The following WDR7 variants were observed in gnomAD, a reference collection of about 807,000 sequenced individuals.
WDR7 encodes the protein WD repeat-containing protein 7.
A neutral mutation model predicts 169.4 loss-of-function variants in WDR7; 46 were observed. The observed-to-expected ratio is 0.27, with a 90% CI of 0.21 to 0.35. The LOEUF is 0.35. WDR7 is among the 10% of genes least tolerant of loss of function. The pLI, the probability that WDR7 is intolerant of heterozygous loss-of-function variation, is 1.00. For synonymous variants in WDR7, 612 were observed against 666.8 expected (o/e 0.92, Z 1.27); for missense variants, 1,534 against 1,859.3 (o/e 0.83, Z 3.22).
intron 26 of WDR7, among the ~76,000 whole-genome samples, chr18:56,978,302 T>C (rs1031034949): frequency 1.3e-5 from 2 of 152,184 alleles, no homozygotes; most frequent in Non-Finnish European, 2.9e-5. Context: ...GATAAGACAA[T>C]TTTTTAAAAA....
In WDR7 at chr18:56,811,953, G is replaced by A. The variant is rs545577219; in HGVS notation, c.3191-4078G>A. 2.6e-5 allele frequency among the ~76,000 whole-genome samples: 4 copies of A among 152,086 alleles called. No individual in the cohort carries two copies. In the South Asian group the frequency reaches 8.3e-4, roughly 32 times the overall value. ...AGAATTGTTTTGTCCTAATTCCTTTGTCTTTCATATAATTTTAGAATACTT... is the reference window on the plus strand; with the variant it reads ...AGAATTGTTTTGTCCTAATTCCTTTATCTTTCATATAATTTTAGAATACTT... On this transcript the variant is annotated intron_variant, in intron 19 of 27. Transcript: ENST00000254442.
At chr18:56,784,767 C>A (rs982233872) in intron 19 of WDR7, among the ~76,000 whole-genome samples, 6 of 152,062 alleles carry the variant, frequency 3.9e-5, no homozygotes, top group Non-Finnish European at 8.8e-5. Flanking sequence ...CATATTTAAA[C>A]CTTTCTGTTT....
chr18:56,879,796 C>A, intron 20 of WDR7, 148 bp from the exon 21 acceptor site: 3 of 529,000 alleles, frequency 5.7e-6, no homozygotes, highest in East Asian at 3.6e-5. Flanking sequence ...CTAAATTCAT[C>A]CTTTTGCCTG....
chr18:56,728,634 C>T (rs955299604), intron 13 of WDR7, among the ~76,000 whole-genome samples: 1 of 152,278 alleles, frequency 6.6e-6, no homozygotes, highest in South Asian at 2.1e-4. Flanking sequence ...GGCCCCATCC[C>T]ATCCCCACTC....
intron 26 of WDR7, among the ~76,000 whole-genome samples, chr18:56,983,189 A>T (rs1326051041): frequency 1.3e-5 from 2 of 152,194 alleles, no homozygotes; most frequent in African/African-American, 4.8e-5. Context: ...CGGACTTGTC[A>T]TTGTTAGCAG....
intron 20 of WDR7, among the ~76,000 whole-genome samples, chr18:56,817,936 A>C (rs1599070369): frequency 6.6e-6 from 1 of 151,846 alleles, no homozygotes; most frequent in Non-Finnish European, 1.5e-5. Context: ...GTAGAAACAG[A>C]GTTTCACCAT....
intron 19 of WDR7, among the ~76,000 whole-genome samples, chr18:56,786,752 A>G (rs1301979336): frequency 6.6e-6 from 1 of 152,024 alleles, no homozygotes; most frequent in African/African-American, 2.4e-5. Flanking sequence ...ATGGACTTAA[A>G]TAATATGGCA....
chr18:56,977,911 A>G (rs2047590266), intron 26 of WDR7, among the ~76,000 whole-genome samples: 2 of 152,208 alleles, frequency 1.3e-5, no homozygotes, highest in Admixed American at 1.3e-4. Context: ...GCTGTAATTT[A>G]TGTAAATGCG....
At chr18:56,751,665 T>C (rs2043795371) in intron 14 of WDR7, among the ~76,000 whole-genome samples, 1 of 152,208 alleles carries the variant, frequency 6.6e-6, no homozygotes, top group African/African-American at 2.4e-5. Flanking sequence ...AACAGCTTTG[T>C]ATGTGGTAGC....
chr18:57,031,482 C>T (rs1026782018), downstream of WDR7: 1 of 152,172 alleles, frequency 6.6e-6, no homozygotes, highest in Non-Finnish European at 1.5e-5. Flanking sequence ...CAGTGGTGCC[C>T]ATACCTGCCA....
At chr18:56,814,489 T>C (rs2044929657) in intron 19 of WDR7, among the ~76,000 whole-genome samples, 1 of 152,200 alleles carries the variant, frequency 6.6e-6, no homozygotes, top group South Asian at 2.1e-4. Flanking sequence ...TACTGATAGC[T>C]ATCTTTAATA....
At chr18:56,923,613 C>T (rs2046759422) in intron 21 of WDR7, among the ~76,000 whole-genome samples, 1 of 152,148 alleles carries the variant, frequency 6.6e-6, no homozygotes, top group South Asian at 2.1e-4. Flanking sequence ...TTGCAGAACC[C>T]TGAGTTAGGG....
chr18:56,813,180 TAAA>T (rs373136606), intron 19 of WDR7, among the ~76,000 whole-genome samples: 13 of 133,390 alleles, frequency 9.7e-5, no homozygotes, highest in Non-Finnish European at 8.3e-5. Context: ...TAGAGTATAA[TAAA>T]AAAAAAAAAC....
intron 15 of WDR7, 93 bp downstream of exon 15, chr18:56,757,445 A>C (rs1462562058): frequency 2.3e-6 from 3 of 1,279,168 alleles, no homozygotes; most frequent in African/African-American, 1.5e-5. Context: ...TTGGCTCTAC[A>C]CAATTTTATT....
intron 17 of WDR7, among the ~76,000 whole-genome samples, chr18:56,777,276 T>C (rs1010775999): frequency 6.6e-5 from 10 of 152,326 alleles, no homozygotes; most frequent in African/African-American, 2.2e-4. Context: ...TGTATGCCAG[T>C]TAGAGGGAGT....
chr18:56,780,453 T>C (rs115767195), intron 18 of WDR7, among the ~76,000 whole-genome samples: 138 of 152,318 alleles, frequency 9.1e-4, no homozygotes, highest in African/African-American at 3.2e-3. Flanking sequence ...ACTTCAGAAG[T>C]CACTTATACT....
At position 56,731,471 on chromosome 18, in the gene WDR7, T is replaced by C; in HGVS notation, c.1863T>C (p.Leu621=). The stretch of plus-strand genomic sequence containing the variant: ...CTGTTCCTGCTGCTGTTGATTCACT[T>C]AGTCATCCAGCAGTCAACCTAAAAC... The part of the protein sequence containing the change: ...DEAVPAAVDS[L]SHPAVNLKQA... The change falls in exon 14 of 28, where the codon CTT becomes CTC. Residue 621 remains leucine (L), a synonymous_variant. Transcript: ENST00000254442. 6.2e-7 allele frequency: 1 copy of C among 1,614,204 alleles called. No individual in the cohort carries two copies. The highest frequency in any genetic ancestry group is 1.3e-5 in the African/African-American group (1 of 75,058).
intron 14 of WDR7, among the ~76,000 whole-genome samples, chr18:56,755,043 C>T (rs1044967702): frequency 6.6e-6 from 1 of 151,742 alleles, no homozygotes; most frequent in Non-Finnish European, 1.5e-5. Flanking sequence ...GCAGGTTTTC[C>T]CTATATTCTC....
At chr18:56,679,233 T>C in intron 2 of WDR7, 99 bp from the exon 3 acceptor site, 1 of 901,264 alleles carries the variant, frequency 1.1e-6, no homozygotes, top group Non-Finnish European at 1.6e-6. Context: ...ATCTTAGCAG[T>C]CTACCTAGTC....
Sources: gnomAD v4.1 joint callset for allele counts (sites outside exome capture counted in the v4.1 genomes callset) on GRCh38, gnomAD v4.1.1 for gene constraint, MANE v1.5 for transcripts, NCBI Gene and HGNC (gene_info 2026-07-23, HGNC 2026-07-21) for gene names.